Variants in PHACTR1 observed in about 807,000 individuals in gnomAD.
The protein encoded by PHACTR1 is phosphatase and actin regulator 1, also known as RPEL repeat containing 1.
In PHACTR1, 16 loss-of-function variants were observed where a neutral mutation model predicts 69.2. The observed-to-expected ratio is 0.23, with a 90% CI of 0.16 to 0.35. The LOEUF is 0.35. Ranked by LOEUF, PHACTR1 falls within the 10% of genes least tolerant of loss-of-function variation. The pLI, the probability that PHACTR1 is intolerant of heterozygous loss-of-function variation, is 1.00. For missense variants in PHACTR1, 510 were observed against 734.7 expected (o/e 0.69, Z 3.54); for synonymous variants, 312 against 284.5 (o/e 1.10, Z -0.97).
intron 5 of PHACTR1, among the ~76,000 whole-genome samples, chr6:13,132,684 T>G (rs1820651121): frequency 6.6e-6 from 1 of 151,296 alleles, no homozygotes; most frequent in Non-Finnish European, 1.5e-5. Context: ...AAGCATCATG[T>G]CCAAAAAACA....
At position 13,053,446 on chromosome 6, in the gene PHACTR1, G is replaced by A. The variant is rs1806294690; in HGVS notation, c.332G>A (p.Ser111Asn). ...GTHTPPIRRR[S>N]KFANLGRIFK... Reference sequence around the variant, plus strand: ...CACACCCCACCCATCCGCAGGAGAAGTAAGTTTGCCAACCTGGGAAGGATT... The same window carrying A: ...CACACCCCACCCATCCGCAGGAGAAATAAGTTTGCCAACCTGGGAAGGATT... Residue 111 changes from serine to asparagine, a missense_variant, in exon 5 of 15, where the codon AGT (serine) becomes AAT (asparagine). Physicochemically the swap from Ser to Asn is conservative, Grantham distance 46. Around this residue, in one of 2 missense-constraint regions of PHACTR1, gnomAD observed 419 missense variants for 530.9 expected, o/e 0.79. Transcript: ENST00000332995. The A allele has an allele frequency of 6.2e-7, 1 of 1,613,938 alleles. No individual in the cohort carries two copies. The highest frequency in any genetic ancestry group is 1.3e-5 in the African/African-American group (1 of 75,048).
At chr6:13,047,593 G>A (rs1561747732) in intron 4 of PHACTR1, among the ~76,000 whole-genome samples, 3 of 152,004 alleles carry the variant, frequency 2.0e-5, no homozygotes, top group Non-Finnish European at 4.4e-5. Context: ...TAAGAAACAA[G>A]AATCCAATTT....
intron 7 of PHACTR1, among the ~76,000 whole-genome samples, chr6:13,189,943 T>G (rs1328642011): frequency 2.6e-5 from 4 of 152,002 alleles, no homozygotes; most frequent in Non-Finnish European, 5.9e-5. Context: ...ACATATCTTT[T>G]GCTGGCTTGT....
At chr6:12,832,777 C>A (rs1392242943) in intron 4 of PHACTR1, among the ~76,000 whole-genome samples, 1 of 152,136 alleles carries the variant, frequency 6.6e-6, no homozygotes, top group African/African-American at 2.4e-5. Flanking sequence ...CCCCACCCCC[C>A]ATCTTTTGTT....
chr6:12,745,880 G>A (rs1005181168), intron 3 of PHACTR1, among the ~76,000 whole-genome samples: 1 of 152,128 alleles, frequency 6.6e-6, no homozygotes, highest in Admixed American at 6.5e-5. Context: ...GTGTCACTTG[G>A]GTGGGGTAGT....
chr6:13,257,704 TAG>T (rs1056292584), intron 10 of PHACTR1, among the ~76,000 whole-genome samples: 1 of 152,198 alleles, frequency 6.6e-6, no homozygotes, highest in South Asian at 2.1e-4. Context: ...GTCTTGTCAG[TAG>T]AGTCATATGC....
chr6:12,843,231 C>G (rs1778875375), intron 4 of PHACTR1, among the ~76,000 whole-genome samples: 1 of 152,208 alleles, frequency 6.6e-6, no homozygotes, highest in Admixed American at 6.5e-5. Flanking sequence ...ATTTCTGTAG[C>G]TCCAATAAGG....
intron 4 of PHACTR1, among the ~76,000 whole-genome samples, chr6:12,784,361 T>A (rs1410236551): frequency 6.6e-6 from 1 of 151,804 alleles, no homozygotes; most frequent in Non-Finnish European, 1.5e-5. Flanking sequence ...TACATATATA[T>A]CTATACAGAC....
At chr6:13,233,266 C>A (rs910728893) in intron 10 of PHACTR1, among the ~76,000 whole-genome samples, 1 of 152,198 alleles carries the variant, frequency 6.6e-6, no homozygotes, top group Non-Finnish European at 1.5e-5. Context: ...CGTCCATGCC[C>A]TGAAAGAAGT....
At chr6:13,221,325 G>C (rs1196938034) in intron 8 of PHACTR1, among the ~76,000 whole-genome samples, 1 of 152,056 alleles carries the variant, frequency 6.6e-6, no homozygotes, top group Admixed American at 6.5e-5. Context: ...CCATGCTGTA[G>C]AGGGTGGAGT....
At chr6:13,109,027 G>A (rs569012548) in intron 5 of PHACTR1, among the ~76,000 whole-genome samples, 35 of 151,566 alleles carry the variant, frequency 2.3e-4, no homozygotes, top group African/African-American at 5.1e-4. Flanking sequence ...TAATTTTATC[G>A]CAGTCTACCT....
At chr6:13,281,841 C>T (rs1484611204) in intron 12 of PHACTR1, among the ~76,000 whole-genome samples, 2 of 152,212 alleles carry the variant, frequency 1.3e-5, no homozygotes, top group African/African-American at 4.8e-5. Flanking sequence ...CAGGCCCACA[C>T]TGGTGCCAGA....
chr6:13,143,968 A>G (rs184773101), intron 5 of PHACTR1, among the ~76,000 whole-genome samples: 381 of 152,296 alleles, frequency 2.5e-3, no homozygotes, highest in Non-Finnish European at 4.1e-3. Flanking sequence ...CTTATGATCA[A>G]TTCATAGGTG....
intron 4 of PHACTR1, among the ~76,000 whole-genome samples, chr6:12,801,759 T>G (rs1773731766): frequency 6.6e-6 from 1 of 152,304 alleles, no homozygotes; most frequent in African/African-American, 2.4e-5. Context: ...TGTCTGCAAA[T>G]GAGAATTATT....
rs984357864 is a variant in PHACTR1 at position 13,202,541 on chromosome 6, A to G, written c.665-3274A>G. On this transcript the variant is annotated intron_variant, in intron 7 of 14. Transcript: ENST00000332995. Reference sequence around the variant, plus strand: ...CGCCCAGGCTATAGTGCAATGGTGCAATCTCAGCTCACTGCAAAGTCCACC... The same window carrying G: ...CGCCCAGGCTATAGTGCAATGGTGCGATCTCAGCTCACTGCAAAGTCCACC... Among the ~76,000 whole-genome samples the G allele has an allele frequency of 2.7e-5, 4 of 147,672 alleles. No individual in the cohort carries two copies. The Admixed American group carries it at 2.7e-4, about 10-fold the overall frequency.
intron 4 of PHACTR1, among the ~76,000 whole-genome samples, chr6:12,944,861 C>A (rs6905419): frequency 6.6e-6 from 1 of 150,972 alleles, no homozygotes; most frequent in East Asian, 1.9e-4. Flanking sequence ...CGGCTCACTG[C>A]GAGCTCCGCC....
At chr6:13,180,234 CCTT>C (rs1035448524) in intron 6 of PHACTR1, among the ~76,000 whole-genome samples, 6 of 152,184 alleles carry the variant, frequency 3.9e-5, no homozygotes, top group African/African-American at 1.4e-4. Context: ...GTGTCTTACA[CCTT>C]CTTCTCCTGT....
At chr6:12,772,814 G>A (rs1248154248) in intron 4 of PHACTR1, among the ~76,000 whole-genome samples, 2 of 152,136 alleles carry the variant, frequency 1.3e-5, no homozygotes, top group African/African-American at 4.8e-5. Context: ...ATTGCATAAA[G>A]CATGCCAAAT....
intron 9 of PHACTR1, among the ~76,000 whole-genome samples, chr6:13,228,415 C>T (rs879649185): frequency 6.6e-6 from 1 of 152,204 alleles, no homozygotes; most frequent in Admixed American, 6.5e-5. Context: ...GTCTAGCAAA[C>T]ACTCAAATAC....
Sources: gnomAD v4.1 joint callset for allele counts (sites outside exome capture counted in the v4.1 genomes callset) on GRCh38, gnomAD v4.1.1 for gene constraint, gnomAD v4.1.1 regional missense constraint, MANE v1.5 for transcripts, NCBI Gene and HGNC (gene_info 2026-07-23, HGNC 2026-07-21) for gene names.